The following PTPRT variants were observed in gnomAD, a reference collection of about 807,000 sequenced individuals.
PTPRT encodes the protein protein tyrosine phosphatase receptor type T, also known as receptor-type tyrosine-protein phosphatase T.
A neutral mutation model predicts 176.8 loss-of-function variants in PTPRT; 56 were observed. The observed-to-expected ratio is 0.32, with a 90% CI of 0.26 to 0.40. The LOEUF is 0.40. Among genes scored for constraint, PTPRT ranks in the 10% least tolerant of loss-of-function variants. The pLI, the probability that PTPRT is intolerant of heterozygous loss-of-function variation, is 1.00. For missense variants in PTPRT, 1,540 were observed against 1,908.2 expected (o/e 0.81, Z 3.60); for synonymous variants, 783 against 739.0 (o/e 1.06, Z -0.96).
At chr20:42,679,105 C>A (rs1379455080) in intron 6 of PTPRT, among the ~76,000 whole-genome samples, 2 of 152,210 alleles carry the variant, frequency 1.3e-5, no homozygotes, top group Non-Finnish European at 2.9e-5. Context: ...CTCTCTTCCA[C>A]TGAGTTCCAC....
chr20:42,115,382 G>T, intron 21 of PTPRT, 67 bp from the exon 22 acceptor site: 1 of 1,209,932 alleles, frequency 8.3e-7, no homozygotes, highest in Non-Finnish European at 1.2e-6. Flanking sequence ...ACATGGCTGA[G>T]TGTGAGCAGC....
chr20:42,489,094 A>AT (rs1356893462), intron 7 of PTPRT, among the ~76,000 whole-genome samples: 2 of 141,714 alleles, frequency 1.4e-5, no homozygotes, highest in African/African-American at 5.1e-5. Context: ...TTTTATTTTT[A>AT]TCTTTTTACC....
chr20:42,486,322 C>T (rs931696953), intron 7 of PTPRT, among the ~76,000 whole-genome samples: 2 of 152,184 alleles, frequency 1.3e-5, no homozygotes, highest in African/African-American at 4.8e-5. Context: ...TAAGGATGGC[C>T]TCTACAAAAT....
chr20:43,171,965 G>A (rs920772883), intron 1 of PTPRT, among the ~76,000 whole-genome samples: 4 of 152,164 alleles, frequency 2.6e-5, no homozygotes, highest in East Asian at 1.9e-4. Context: ...CAAAAGAGTC[G>A]AGGTCATGTA....
chr20:42,868,977 G>A (rs990579626), intron 2 of PTPRT, among the ~76,000 whole-genome samples: 10 of 152,154 alleles, frequency 6.6e-5, no homozygotes, highest in African/African-American at 2.4e-4. Flanking sequence ...CCTCCAGAGG[G>A]CATAAACAGT....
chr20:42,350,236 T>TG (rs1568799624), intron 11 of PTPRT, among the ~76,000 whole-genome samples: 1 of 143,068 alleles, frequency 7.0e-6, no homozygotes, highest in African/African-American at 2.6e-5. Context: ...TTTTTTTTTT[T>TG]TTTTTTTTTT....
intron 1 of PTPRT, among the ~76,000 whole-genome samples, chr20:43,011,766 G>A (rs373800797): frequency 5.9e-5 from 9 of 152,342 alleles, no homozygotes; most frequent in African/African-American, 1.9e-4. Context: ...TGCCAAAGGA[G>A]ATCAACATAA....
chr20:42,254,304 C>T lies in PTPRT; in HGVS notation c.2177-5482G>A, dbSNP rs557115451. Among the ~76,000 whole-genome samples, 4 of 152,274 alleles carry T rather than the reference C, an allele frequency of 2.6e-5. No homozygotes were observed. The South Asian group carries it at 6.2e-4, about 24-fold the overall frequency. On this transcript the variant is annotated intron_variant, in intron 13 of 30. Transcript: ENST00000373187. ...CCTTGCTACTCAAAAAGTGGTCCAT[C>T]GACCAGAATATTGGCGAAACTTGGG...
chr20:42,758,823 G>T (rs1210892854), intron 5 of PTPRT, among the ~76,000 whole-genome samples: 1 of 152,188 alleles, frequency 6.6e-6, no homozygotes, highest in East Asian at 1.9e-4. Context: ...TTCTGAGCTG[G>T]AAAGTTTCCA....
intron 15 of PTPRT, among the ~76,000 whole-genome samples, chr20:42,220,925 C>T (rs780061802): frequency 6.6e-6 from 1 of 152,166 alleles, no homozygotes; most frequent in Non-Finnish European, 1.5e-5. Flanking sequence ...TGTGAAACAA[C>T]GAATGATCTT....
intron 24 of PTPRT, among the ~76,000 whole-genome samples, chr20:42,105,999 T>G (rs1986401723): frequency 6.6e-6 from 1 of 151,878 alleles, no homozygotes; most frequent in Non-Finnish European, 1.5e-5. Context: ...TTAGTGAGAG[T>G]GTGGTTCTGG....
At chr20:42,696,374 A>G (rs920718528) in intron 6 of PTPRT, among the ~76,000 whole-genome samples, 1 of 149,070 alleles carries the variant, frequency 6.7e-6, no homozygotes, top group Non-Finnish European at 1.5e-5. Context: ...TCTCTCTGCC[A>G]TGTCATGAGT....
In PTPRT at chr20:42,721,076, C is replaced by T. The variant is rs146033744; in HGVS notation, c.859+35386G>A. Among the ~76,000 whole-genome samples the T allele has an allele frequency of 3.3e-5, 5 of 152,246 alleles. No homozygotes were observed. In the East Asian group the frequency reaches 9.7e-4, roughly 29 times the overall value. On this transcript the variant is annotated intron_variant, in intron 6 of 30. Coordinates refer to ENST00000373187, the MANE Select transcript of PTPRT (RefSeq NM_007050.6). ...GTGTTAGCTCTACACAGACAGCACT[C>T]CTCCAAGGAGGTCAGACCACGGTTC...
chr20:42,085,934 T>G, intron 27 of PTPRT, 81 bp from the exon 28 acceptor site: 6 of 1,414,416 alleles, frequency 4.2e-6, no homozygotes. Flanking sequence ...CAAGCTTTTC[T>G]TTTCTTTTTT....
chr20:42,137,027 C>T (rs1988411824), intron 18 of PTPRT, among the ~76,000 whole-genome samples: 1 of 152,114 alleles, frequency 6.6e-6, no homozygotes, highest in Admixed American at 6.5e-5. Context: ...TTGGGCCTGC[C>T]CTGCAAGAAG....
intron 1 of PTPRT, among the ~76,000 whole-genome samples, chr20:43,024,460 C>T (rs780161218): frequency 6.6e-6 from 1 of 151,786 alleles, no homozygotes; most frequent in Non-Finnish European, 1.5e-5. Flanking sequence ...CATGGTGGCA[C>T]GCTCCTATAA....
chr20:42,679,971 G>C (rs1241383781), intron 6 of PTPRT, among the ~76,000 whole-genome samples: 1 of 152,200 alleles, frequency 6.6e-6, no homozygotes, highest in Non-Finnish European at 1.5e-5. Flanking sequence ...ATGAAGAGTA[G>C]AACAAGGAAG....
intron 7 of PTPRT, among the ~76,000 whole-genome samples, chr20:42,563,753 A>G (rs1313706563): frequency 1.3e-5 from 2 of 152,202 alleles, no homozygotes; most frequent in Non-Finnish European, 2.9e-5. Context: ...AAAATAAGTC[A>G]AGATATGATT....
Position 42,118,397 on chromosome 20 carries a change from G to T in PTPRT, c.2982+6C>A, listed in dbSNP as rs1211913907. The T allele has an allele frequency of 1.9e-6, 3 of 1,608,254 alleles. No homozygotes were observed. The highest frequency in any genetic ancestry group is 2.5e-6 in the Non-Finnish European group (3 of 1,176,878). On this transcript the variant is annotated splice_donor_region_variant and intron_variant, in intron 21 of 30. Coordinates refer to ENST00000373187, the MANE Select transcript of PTPRT (RefSeq NM_007050.6). ...CTCTGCCCAGGCGAGTGCAGGAGAG[G>T]CTTACCCTGCCCACTTCCACCAGGT...
Sources: allele counts gnomAD v4.1 joint callset (sites outside exome capture counted in the v4.1 genomes callset), GRCh38; gene constraint gnomAD v4.1.1; transcripts MANE v1.5; gene names NCBI Gene and HGNC (gene_info 2026-07-23, HGNC 2026-07-21).